FBXO48: variants seen among roughly 807,000 people sequenced by gnomAD.
FBXO48 encodes the protein F-box only protein 48.
Under a neutral mutation model 14.3 loss-of-function variants are expected in FBXO48, and 12 were observed. That is an observed-to-expected ratio of 0.84 (90% CI 0.54 to 1.36). The LOEUF is 1.36. FBXO48 is among the 40% of genes most tolerant of loss of function. The pLI is 0.00. For missense variants in FBXO48, 177 were observed against 179.1 expected (o/e 0.99, Z 0.07); for synonymous variants, 53 against 61.7 (o/e 0.86, Z 0.66).
At position 68,461,452 on chromosome 2, in the gene FBXO48, G is replaced by T. The variant is rs1296711282; in HGVS notation, c.*2757C>A. On this transcript the variant is annotated 3_prime_UTR_variant, in exon 4 of 4. Coordinates refer to ENST00000377957, the MANE Select transcript of FBXO48 (RefSeq NM_001024680.3). The stretch of plus-strand genomic sequence containing the variant: ...GCTGGGACTACAGGCGCCCGCCACC[G>T]CGCCCGGCTAATTTTTTGTATTTTT... 6.7e-6 allele frequency: 1 copy of T among 149,154 alleles called. No homozygotes were observed. Among genetic ancestry groups the T allele is most frequent in the East Asian group, 2.0e-4 (1 of 5,100 alleles). 9.2% of individuals were successfully genotyped at this position (149,154 alleles called of 1,614,324 possible).
intron 2 of FBXO48, among the ~76,000 whole-genome samples, chr2:68,465,522 T>TA (rs973083256): frequency 0.01 from 1,120 of 111,394 alleles, 9 homozygotes; most frequent in African/African-American, 0.032. Flanking sequence ...CGCCCCTCTT[T>TA]AAAAAAAAAA....
intron 1 of FBXO48, 39 bp from the exon 2 acceptor site, chr2:68,466,509 A>C (rs1271882727): frequency 6.6e-6 from 1 of 152,214 alleles, no homozygotes; most frequent in African/African-American, 2.4e-5. Flanking sequence ...GCAAACGTAA[A>C]AACGGGTGAG....
In FBXO48 at chr2:68,464,845, A is replaced by G. The variant is rs756526283; in HGVS notation, c.301T>C (p.Trp101Arg). Residue 101 changes from tryptophan to arginine, a missense_variant, in exon 3 of 4, where the codon TGG (tryptophan) becomes CGG (arginine). Coordinates refer to ENST00000377957, the MANE Select transcript of FBXO48 (RefSeq NM_001024680.3). ...IDDDLESGYS[W>R]RVILLRNYQK... ...ATCGCAAAGATTAAACTTACCCTCC[A>G]GGAATAACCACTTTCTAGATCATCA... 1.2e-6 allele frequency: 2 copies of G among 1,608,542 alleles called. No homozygotes were observed. The highest frequency in any genetic ancestry group is 1.3e-5 in the African/African-American group (1 of 74,866).
chr2:68,462,219 C>T lies in FBXO48; in HGVS notation c.*1990G>A, dbSNP rs978277508. On this transcript the variant is annotated 3_prime_UTR_variant, in exon 4 of 4. Transcript: ENST00000377957. ...ATAAACATCCATTACAAAAAAACAG[C>T]TAAAAATATATGTGTACATTTACTA... 6.6e-6 allele frequency: 1 copy of T among 152,122 alleles called. No individual in the cohort carries two copies. The highest frequency in any genetic ancestry group is 1.5e-5 in the Non-Finnish European group (1 of 68,044). The allele number at this position is 152,122 out of a possible 1,614,324, so 9.4% of individuals were successfully genotyped here. A position where few individuals can be genotyped will look rare whatever the true frequency, so the allele number is the denominator to read the frequency against.
At chr2:68,466,040 C>T (rs544783183) in intron 2 of FBXO48, 104 bp downstream of exon 2, 4 of 152,298 alleles carry the variant, frequency 2.6e-5, no homozygotes, top group African/African-American at 9.6e-5. Flanking sequence ...CTGAAGACAT[C>T]AAGCAACAGT....
chr2:68,465,282 T>G, intron 2 of FBXO48, 104 bp from the exon 3 acceptor site: 1 of 651,736 alleles, frequency 1.5e-6, no homozygotes, highest in South Asian at 2.0e-5. Flanking sequence ...TTCTTGACTT[T>G]AGCTTCTCAA....
chr2:68,464,794 T>C (rs1344380888), intron 3 of FBXO48, 46 bp downstream of exon 3: 1 of 1,448,658 alleles, frequency 6.9e-7, no homozygotes, highest in African/African-American at 1.4e-5. Context: ...AAACCTGCTA[T>C]CATAACGCTG....
In FBXO48 at chr2:68,464,429, G is replaced by A. The variant is rs543697817; in HGVS notation, c.307-59C>T. 6.8e-5 allele frequency: 103 copies of A among 1,504,936 alleles called. No homozygotes were observed. In the African/African-American group the frequency reaches 1.4e-3, roughly 20 times the overall value. The allele number at this position is 1,504,936 out of a possible 1,614,324, so 93.2% of individuals were successfully genotyped here. A position where few individuals can be genotyped will look rare whatever the true frequency, so the allele number is the denominator to read the frequency against. On this transcript the variant is annotated intron_variant, in intron 3 of 3. Coordinates refer to ENST00000377957, the MANE Select transcript of FBXO48 (RefSeq NM_001024680.3). ...TAGTAGGTGGTTGGTTAGTGAATGTGTTTAAAGCAAGAGAAGCAGATTGAC... is the reference window on the plus strand; with the variant it reads ...TAGTAGGTGGTTGGTTAGTGAATGTATTTAAAGCAAGAGAAGCAGATTGAC...
At position 68,465,180 on chromosome 2, in the gene FBXO48, T is replaced by G. The variant is rs1675370431; in HGVS notation, c.-33-2A>C. ...TTTTAAGTTATCCTCATATGTAACCTAAAAGGCAAAATTTAAACATGCTCA... is the reference window on the plus strand; with the variant it reads ...TTTTAAGTTATCCTCATATGTAACCGAAAAGGCAAAATTTAAACATGCTCA... On this transcript the variant is annotated splice_acceptor_variant, in intron 2 of 3. Transcript: ENST00000377957. LOFTEE classifies it low-confidence loss of function (5UTR_SPLICE). 6.8e-7 allele frequency: 1 copy of G among 1,477,954 alleles called. No individual in the cohort carries two copies. The highest frequency in any genetic ancestry group is 9.1e-7 in the Non-Finnish European group (1 of 1,093,700). 91.6% of individuals were successfully genotyped at this position (1,477,954 alleles called of 1,614,324 possible). A position where few individuals can be genotyped will look rare whatever the true frequency, so the allele number is the denominator to read the frequency against.
chr2:68,466,650 T>G (rs552578839), intron 1 of FBXO48, among the ~76,000 whole-genome samples, 180 bp from the exon 2 acceptor site: 1 of 152,210 alleles, frequency 6.6e-6, no homozygotes, highest in Non-Finnish European at 1.5e-5. Flanking sequence ...TTACAGTGTG[T>G]TTATCCACTT....
rs191422086 is a variant in FBXO48 at position 68,463,626 on chromosome 2, A to G, written c.*583T>C. ...AAATTAATGGGAATCTCAATTGGACAAACTTTAGCCCTGAGATGACATTAA... is the reference window on the plus strand; with the variant it reads ...AAATTAATGGGAATCTCAATTGGACGAACTTTAGCCCTGAGATGACATTAA... On this transcript the variant is annotated 3_prime_UTR_variant, in exon 4 of 4. Transcript: ENST00000377957. 6.6e-6 allele frequency: 1 copy of G among 152,346 alleles called. No individual in the cohort carries two copies. Among genetic ancestry groups the G allele is most frequent in the East Asian group, 1.9e-4 (1 of 5,192 alleles). 9.4% of individuals were successfully genotyped at this position (152,346 alleles called of 1,614,324 possible).
intron 1 of FBXO48, among the ~76,000 whole-genome samples, chr2:68,466,904 T>C (rs1675432160): frequency 6.6e-6 from 1 of 152,164 alleles, no homozygotes; most frequent in African/African-American, 2.4e-5. Flanking sequence ...CGTCCCCCTT[T>C]CAACTATCAT....
At position 68,462,215 on chromosome 2, in the gene FBXO48, A is replaced by T. The variant is rs1205200026; in HGVS notation, c.*1994T>A. 6.6e-6 allele frequency: 1 copy of T among 152,218 alleles called. No individual in the cohort carries two copies. The highest frequency in any genetic ancestry group is 1.5e-5 in the Non-Finnish European group (1 of 68,044). The allele number at this position is 152,218 out of a possible 1,614,324, so 9.4% of individuals were successfully genotyped here. The stretch of plus-strand genomic sequence containing the variant: ...AATAATAAACATCCATTACAAAAAA[A>T]CAGCTAAAAATATATGTGTACATTT... On this transcript the variant is annotated 3_prime_UTR_variant, in exon 4 of 4. Coordinates refer to ENST00000377957, the MANE Select transcript of FBXO48 (RefSeq NM_001024680.3).
At position 68,461,739 on chromosome 2, in the gene FBXO48, TA is replaced by T. The variant is rs370586959; in HGVS notation, c.*2469del. 9.0e-3 allele frequency: 1,215 copies of T among 135,166 alleles called. 10 individuals are homozygous for T. The highest frequency in any genetic ancestry group is 0.027 in the African/African-American group (1,012 of 37,216). The allele number at this position is 135,166 out of a possible 1,614,324, so 8.4% of individuals were successfully genotyped here. ...GGAGGCTGGGAAAAACAGGATAATG[TA>T]AAAAAAAAAAAACAAGAAAACAAAA... On this transcript the variant is annotated 3_prime_UTR_variant, in exon 4 of 4. Transcript: ENST00000377957.
At chr2:68,466,922 G>A (rs987562025) in intron 1 of FBXO48, among the ~76,000 whole-genome samples, 2 of 152,182 alleles carry the variant, frequency 1.3e-5, no homozygotes, top group African/African-American at 4.8e-5. Context: ...CATTCGGAGG[G>A]ATAGATCGGC....
intron 1 of FBXO48, 88 bp downstream of exon 1, chr2:68,467,123 G>A (rs11884408): frequency 0.084 from 12,815 of 152,332 alleles, 1,570 homozygotes; most frequent in African/African-American, 0.27. Flanking sequence ...GCTCCAGGCC[G>A]CGGAGGGAAG....
At chr2:68,466,079 C>T (rs756999461) in intron 2 of FBXO48, 65 bp downstream of exon 2, 1 of 152,200 alleles carries the variant, frequency 6.6e-6, no homozygotes, top group Non-Finnish European at 1.5e-5. Flanking sequence ...ATGTTTAGAA[C>T]TCAGCTAGGT....
intron 3 of FBXO48, 74 bp downstream of exon 3, chr2:68,464,766 A>C (rs1018603408): frequency 8.2e-6 from 9 of 1,096,168 alleles, no homozygotes; most frequent in Middle Eastern, 4.1e-4. Context: ...TCCTCCAAGC[A>C]GAAGTTAGAA....
In FBXO48 at chr2:68,464,135, T is replaced by C. The variant is rs115907946; in HGVS notation, c.*74A>G. On this transcript the variant is annotated 3_prime_UTR_variant, in exon 4 of 4. Transcript: ENST00000377957. ...GAACAACAAAATGAACGAATAAAGA[T>C]ATCGCTTTTGCAACCTAAGAGTCAT... The C allele has an allele frequency of 1.6e-3, 1,964 of 1,249,304 alleles. 19 individuals carry two copies. In the African/African-American group the frequency reaches 0.026, roughly 16 times the overall value. The allele number at this position is 1,249,304 out of a possible 1,614,324, so 77.4% of individuals were successfully genotyped here.
Sources: allele counts gnomAD v4.1 joint callset (sites outside exome capture counted in the v4.1 genomes callset), GRCh38; gene constraint gnomAD v4.1.1; transcripts MANE v1.5; gene names NCBI Gene and HGNC (gene_info 2026-07-23, HGNC 2026-07-21).